The following CREBRF variants were observed in gnomAD, a reference collection of about 807,000 sequenced individuals.
The protein encoded by CREBRF is CREB3 regulatory factor.
Under a neutral mutation model 66.1 loss-of-function variants are expected in CREBRF, and 5 were observed. The ratio of observed to expected loss-of-function variants is 0.08; its 90% CI spans 0.04 to 0.16. The LOEUF (loss-of-function observed/expected upper bound fraction) is 0.16. Ranked by LOEUF, CREBRF falls within the 10% of genes least tolerant of loss-of-function variation. CREBRF has a pLI of 1.00. For missense variants in CREBRF, 531 were observed against 744.9 expected, an observed-to-expected ratio of 0.71 and a Z score of 3.34; for synonymous variants, 229 against 264.4, an observed-to-expected ratio of 0.87 and a Z score of 1.30.
At chr5:173,109,742 A>G (rs1758830227) in intron 5 of CREBRF, 1 of 152,318 alleles carries the variant, frequency 6.6e-6, no homozygotes, top group Non-Finnish European at 1.5e-5. Flanking sequence ...TTTGAGGACA[A>G]GAATTCCATC....
intron 7 of CREBRF, among the ~76,000 whole-genome samples, chr5:173,116,312 A>G (rs1758988771): frequency 6.6e-6 from 1 of 152,228 alleles, no homozygotes; most frequent in Non-Finnish European, 1.5e-5. Context: ...ACGCATACAT[A>G]TGTGAAACAA....
chr5:173,072,161 G>T (rs1757616071), intron 1 of CREBRF, among the ~76,000 whole-genome samples: 3 of 151,842 alleles, frequency 2.0e-5, no homozygotes, highest in African/African-American at 7.3e-5. Context: ...AGGCTGAAGT[G>T]CAGTGGCACA....
Position 173,090,642 on chromosome 5 carries a change from T to C in CREBRF, c.463T>C (p.Tyr155His). Residue 155 changes from tyrosine to histidine, a missense_variant, in exon 4 of 9, where the codon TAT becomes CAT. Physicochemically the swap from Tyr to His is moderately conservative, Grantham distance 83. Coordinates refer to ENST00000296953, the MANE Select transcript of CREBRF (RefSeq NM_153607.3). The surrounding 1 kb of genome is among the most constrained non-coding windows in gnomAD (Gnocchi z 4.5). Reference sequence around the variant, plus strand: ...CTCACAGTCTGTTTCTGATTCCCTTTATTACCCCGATTCACTTTTCAGTGT... The same window carrying C: ...CTCACAGTCTGTTTCTGATTCCCTTCATTACCCCGATTCACTTTTCAGTGT... Reference protein sequence around the residue: ...EDSQSVSDSLYYPDSLFSVKQ... With the variant: ...EDSQSVSDSLHYPDSLFSVKQ... 1 of 1,614,182 alleles carries C rather than the reference T, an allele frequency of 6.2e-7. No homozygotes were observed. The highest frequency in any genetic ancestry group is 8.5e-7 in the Non-Finnish European group (1 of 1,180,022).
At chr5:173,119,298 T>A (rs905252643) in intron 7 of CREBRF, among the ~76,000 whole-genome samples, 3 of 152,212 alleles carry the variant, frequency 2.0e-5, no homozygotes, top group African/African-American at 7.2e-5. Context: ...AGTTTTCCGA[T>A]CCATGGACCT....
chr5:173,107,846 G>C (rs1309498806), intron 4 of CREBRF, among the ~76,000 whole-genome samples: 2 of 138,426 alleles, frequency 1.4e-5, no homozygotes, highest in African/African-American at 5.3e-5. Context: ...TTTTTTTGGA[G>C]ACAGAGTGAG....
rs1437530412 is a variant in CREBRF at position 173,135,476 on chromosome 5, A to G, written c.*1731A>G. On this transcript the variant is annotated 3_prime_UTR_variant, in exon 9 of 9. Transcript: ENST00000296953. ...GTCTCTCTTACTGTTTTATTCTCAAATCTTGTGCTTTGAACTCTGAAAACT... is the reference window on the plus strand; with the variant it reads ...GTCTCTCTTACTGTTTTATTCTCAAGTCTTGTGCTTTGAACTCTGAAAACT... The G allele has an allele frequency of 6.6e-6, 1 of 152,424 alleles. No individual in the cohort carries two copies. Among genetic ancestry groups the G allele is most frequent in the African/African-American group, 2.4e-5 (1 of 41,408 alleles). 9.4% of individuals were successfully genotyped at this position (152,424 alleles called of 1,614,324 possible).
chr5:173,058,322 A>G lies in CREBRF; in HGVS notation c.-192+1843A>G, dbSNP rs374060903. Among the ~76,000 whole-genome samples the G allele has an allele frequency of 4.9e-4, 74 of 152,310 alleles. No individual in the cohort carries two copies. In the South Asian group the frequency reaches 0.015, roughly 31 times the overall value. On this transcript the variant is annotated intron_variant, in intron 1 of 8. Coordinates refer to ENST00000296953, the MANE Select transcript of CREBRF (RefSeq NM_153607.3). ...TGGCTACGTTGGTATTGTCAAGGGTACCAAGCTCTTGATGGCATCTTTGGT... is the reference window on the plus strand; with the variant it reads ...TGGCTACGTTGGTATTGTCAAGGGTGCCAAGCTCTTGATGGCATCTTTGGT...
intron 7 of CREBRF, among the ~76,000 whole-genome samples, chr5:173,122,569 TTTATTATTATTATTATTATTA>T (rs200659735): frequency 2.3e-5 from 3 of 132,084 alleles, no homozygotes; most frequent in Non-Finnish European, 4.8e-5. Context: ...TATTATTTCT[TTTATTATTATTATTATTATTA>T]TTATTATTAT....
intron 4 of CREBRF, among the ~76,000 whole-genome samples, chr5:173,103,452 C>G (rs1053687938): frequency 6.6e-6 from 1 of 152,146 alleles, no homozygotes. Context: ...TGGTGAGAAA[C>G]AGGAAGAAAT....
chr5:173,086,157 C>T (rs1758138775), intron 2 of CREBRF: 1 of 780,322 alleles, frequency 1.3e-6, no homozygotes, highest in East Asian at 2.4e-5. Flanking sequence ...TATCAGGAGA[C>T]ATGTTTTGCC....
chr5:173,131,296 C>A (rs1197725669), intron 8 of CREBRF, among the ~76,000 whole-genome samples: 2 of 152,166 alleles, frequency 1.3e-5, no homozygotes, highest in African/African-American at 4.8e-5. Context: ...ATTCTCTTAG[C>A]CACAACGCCA....
At position 173,090,305 on chromosome 5, in the gene CREBRF, C is replaced by T. The variant is rs760703944; in HGVS notation, c.136-10C>T. On this transcript the variant is annotated splice_polypyrimidine_tract_variant and intron_variant, in intron 3 of 8. Coordinates refer to ENST00000296953, the MANE Select transcript of CREBRF (RefSeq NM_153607.3). This position sits in a 1 kb window ranked among gnomAD's most constrained non-coding sequence, Gnocchi z 4.5. ...ATGATGTGCAATTTCTTTTTTAAAA[C>T]CTTTCTCAGGATAGAGAGATGAACT... 2 of 1,562,548 alleles carry T rather than the reference C, an allele frequency of 1.3e-6. No individual in the cohort carries two copies. The highest frequency in any genetic ancestry group is 1.7e-6 in the Non-Finnish European group (2 of 1,148,704).
chr5:173,111,378 C>T lies in CREBRF; in HGVS notation c.1607+667C>T, dbSNP rs550266420. The stretch of plus-strand genomic sequence containing the variant: ...GCCTCCAGGGCTCAAGGGATCTTCC[C>T]GCCTCAGCCCCCTAAGTAGCTGGGA... On this transcript the variant is annotated intron_variant, in intron 6 of 8. Transcript: ENST00000296953. 5.3e-5 allele frequency among the ~76,000 whole-genome samples: 8 copies of T among 152,214 alleles called. 1 individual carries two copies. The highest frequency in any genetic ancestry group is 1.7e-4 in the African/African-American group (7 of 41,556).
intron 1 of CREBRF, among the ~76,000 whole-genome samples, chr5:173,071,499 C>T (rs866080254): frequency 3.3e-5 from 5 of 151,674 alleles, no homozygotes; most frequent in Admixed American, 1.3e-4. Flanking sequence ...CATGAGCCAC[C>T]GTGCCCGGCC....
Position 173,137,429 on chromosome 5 carries a change from A to G in CREBRF, c.*3684A>G, listed in dbSNP as rs1309209926. The G allele has an allele frequency of 6.6e-6, 1 of 152,022 alleles. No homozygotes were observed. Among genetic ancestry groups the G allele is most frequent in the African/African-American group, 2.4e-5 (1 of 41,420 alleles). 9.4% of individuals were successfully genotyped at this position (152,022 alleles called of 1,614,324 possible). On this transcript the variant is annotated 3_prime_UTR_variant, in exon 9 of 9. Coordinates refer to ENST00000296953, the MANE Select transcript of CREBRF (RefSeq NM_153607.3). ...GAAAGATTAGCAGTAATTTCACTAC[A>G]TCCCTTTTCTCTGACTTTCATGCAT...
chr5:173,125,507 AAAG>A (rs1208434113), intron 8 of CREBRF, among the ~76,000 whole-genome samples: 2 of 152,168 alleles, frequency 1.3e-5, no homozygotes, highest in African/African-American at 2.4e-5. Flanking sequence ...TGAACTTTTA[AAAG>A]AAGGTTTGGT....
At chr5:173,120,539 C>G (rs1378879049) in intron 7 of CREBRF, among the ~76,000 whole-genome samples, 1 of 151,612 alleles carries the variant, frequency 6.6e-6, no homozygotes, top group Non-Finnish European at 1.5e-5. Flanking sequence ...ACCACCATGC[C>G]TGGCTAATTA....
intron 4 of CREBRF, among the ~76,000 whole-genome samples, chr5:173,104,596 C>T (rs1758704674): frequency 6.6e-6 from 1 of 152,032 alleles, no homozygotes; most frequent in South Asian, 2.1e-4. Context: ...GGGAGGATTG[C>T]TTGAGCCGGG....
intron 1 of CREBRF, chr5:173,060,574 A>G (rs1450118736): frequency 1.3e-5 from 2 of 152,104 alleles, no homozygotes; most frequent in East Asian, 1.9e-4. Context: ...CTTGTTTCCA[A>G]GTAGGGTTGA....
Sources: gnomAD v4.1 joint callset for allele counts (sites outside exome capture counted in the v4.1 genomes callset) on GRCh38, gnomAD v4.1.1 for gene constraint, Gnocchi (gnomAD v3.1) non-coding constraint, MANE v1.5 for transcripts, NCBI Gene and HGNC (gene_info 2026-07-23, HGNC 2026-07-21) for gene names.